RDX: variants seen among roughly 807,000 people sequenced by gnomAD.
The protein encoded by RDX is deafness, autosomal recessive 24.
Under a neutral mutation model 83.7 loss-of-function variants are expected in RDX, and 32 were observed. That is an observed-to-expected ratio of 0.38 (90% confidence interval 0.29 to 0.51). The LOEUF (loss-of-function observed/expected upper bound fraction) is 0.51, where lower values mean the gene tolerates loss of function less well. RDX is among the 20% of genes least tolerant of loss of function. The pLI is 0.87. For synonymous variants in RDX, 229 were observed against 222.7 expected (o/e 1.03, Z -0.25); for missense variants, 600 against 689.9 (o/e 0.87, Z 1.46).
chr11:110,259,068 C>T (rs540056392), intron 5 of RDX, among the ~76,000 whole-genome samples: 1 of 152,062 alleles, frequency 6.6e-6, no homozygotes, highest in East Asian at 1.9e-4. Context: ...CAGGCGTGCG[C>T]CATAATGCCT....
chr11:110,272,611 T>TAC lies in RDX; in HGVS notation c.19_20dup (p.Arg8Ter), dbSNP rs1565327737. On this transcript the variant is annotated frameshift_variant, in exon 3 of 14. Coordinates refer to ENST00000645495, the MANE Select transcript of RDX (RefSeq NM_002906.4). LOFTEE classifies it high-confidence loss of function. ...GCTCAGCATCCATTGTAGTTACTCT[T>TAC]ACGTTGATCTGTAATAAAAATAAAA... The TAC allele has an allele frequency of 6.2e-7, 1 of 1,607,668 alleles. No individual in the cohort carries two copies. Among genetic ancestry groups the TAC allele is most frequent in the East Asian group, 2.2e-5 (1 of 44,788 alleles).
chr11:110,190,047 C>A (rs755978436), intron 15 of RDX, among the ~76,000 whole-genome samples: 4 of 151,998 alleles, frequency 2.6e-5, no homozygotes, highest in Non-Finnish European at 4.4e-5. Flanking sequence ...CGTGCCATTG[C>A]ACTCCAGCCT....
intron 9 of RDX, among the ~76,000 whole-genome samples, chr11:110,251,809 T>C (rs1011705782): frequency 6.6e-6 from 1 of 152,194 alleles, no homozygotes; most frequent in African/African-American, 2.4e-5. Flanking sequence ...TCATTTTCAT[T>C]GCCAAAAAAC....
downstream of RDX, among the ~76,000 whole-genome samples, chr11:110,227,625 C>A (rs1190977362): frequency 6.6e-6 from 1 of 152,040 alleles, no homozygotes; most frequent in Admixed American, 6.6e-5. Flanking sequence ...TGCAAATGAT[C>A]TAAGGCTAAG....
intron 15 of RDX, chr11:110,199,515 T>C: frequency 1.4e-6 from 1 of 698,694 alleles, no homozygotes; most frequent in Admixed American, 2.0e-5. Context: ...ATCCTGGCAG[T>C]GGAAGGTGTG....
At chr11:110,277,677 A>T (rs955637371) in intron 2 of RDX, among the ~76,000 whole-genome samples, 1 of 143,052 alleles carries the variant, frequency 7.0e-6, no homozygotes, top group South Asian at 2.2e-4. Context: ...TTTGTCCACT[A>T]AAAAAAAAAA....
intron 14 of RDX, among the ~76,000 whole-genome samples, chr11:110,208,642 A>G (rs1863692198): frequency 6.6e-6 from 1 of 152,160 alleles, no homozygotes; most frequent in South Asian, 2.1e-4. Context: ...TTTGATTTCT[A>G]GGGCTTTAAC....
At chr11:110,244,016 A>C (rs1336953210) in intron 10 of RDX, among the ~76,000 whole-genome samples, 1 of 152,222 alleles carries the variant, frequency 6.6e-6, no homozygotes, top group Non-Finnish European at 1.5e-5. Context: ...TACACCCAAA[A>C]GAAATGAGGA....
chr11:110,272,036 A>G (rs1357128619), intron 3 of RDX, among the ~76,000 whole-genome samples: 1 of 152,244 alleles, frequency 6.6e-6, no homozygotes, highest in African/African-American at 2.4e-5. Context: ...GTTGTACACA[A>G]AACATAAATG....
chr11:110,241,780 C>CA (rs767944680), intron 10 of RDX, among the ~76,000 whole-genome samples: 9 of 152,086 alleles, frequency 5.9e-5, no homozygotes, highest in Non-Finnish European at 1.0e-4. Flanking sequence ...AACTAAAACA[C>CA]AAAAGCAACC....
intron 14 of RDX, among the ~76,000 whole-genome samples, chr11:110,223,921 T>G (rs1864342138): frequency 6.6e-6 from 1 of 151,518 alleles, no homozygotes; most frequent in African/African-American, 2.4e-5. Flanking sequence ...AATAGAAAAA[T>G]CAGCCAGGCA....
chr11:110,247,519 T>A (rs1859157855), intron 10 of RDX, among the ~76,000 whole-genome samples, 184 bp downstream of exon 10: 1 of 152,180 alleles, frequency 6.6e-6, no homozygotes, highest in South Asian at 2.1e-4. Flanking sequence ...ACATCAGCAC[T>A]GTATAAATGA....
chr11:110,254,097 A>G lies in RDX; in HGVS notation c.808T>C (p.Tyr270His), dbSNP rs1320616517. ...TTATTGATTCTCAGACGAGGTGCAT[A>G]AAACACAAAATCCTAAACATAAAGT... ...IDKKAPDFVF[Y>H]APRLRINKRI... The change falls in exon 9 of 14, where the codon TAT becomes CAT. Residue 270 changes from tyrosine to histidine, a missense_variant. Tyr to His is a moderately conservative substitution (Grantham distance 83). Transcript: ENST00000645495. 2.5e-6 allele frequency: 4 copies of G among 1,613,386 alleles called. No homozygotes were observed. Among genetic ancestry groups the G allele is most frequent in the Non-Finnish European group, 3.4e-6 (4 of 1,179,664 alleles).
intron 10 of RDX, among the ~76,000 whole-genome samples, chr11:110,244,987 CAG>C (rs1208444725): frequency 5.0e-5 from 7 of 139,882 alleles, no homozygotes; most frequent in Admixed American, 7.4e-5. Flanking sequence ...TTTTTTGAGA[CAG>C]AGTCTCGCTC....
chr11:110,277,571 C>CA (rs1395202487), intron 2 of RDX, among the ~76,000 whole-genome samples: 1 of 152,102 alleles, frequency 6.6e-6, no homozygotes, highest in African/African-American at 2.4e-5. Context: ...ACTCCCGCCT[C>CA]AGTCTCCCAA....
intron 1 of RDX, among the ~76,000 whole-genome samples, chr11:110,288,070 A>C (rs553022199): frequency 1.8e-4 from 27 of 152,340 alleles, no homozygotes; most frequent in African/African-American, 6.3e-4. Context: ...ATCTCTGTAA[A>C]TGGATTTCCT....
At chr11:110,267,461 C>T (rs561436840) in intron 3 of RDX, among the ~76,000 whole-genome samples, 4 of 149,664 alleles carry the variant, frequency 2.7e-5, no homozygotes, top group South Asian at 2.2e-4. Flanking sequence ...TGCAGTGAGC[C>T]GAGTTCGCGC....
Position 110,223,011 on chromosome 11 carries a change from T to C in RDX, c.1748+8862A>G, listed in dbSNP as rs117728819. Among the ~76,000 whole-genome samples, 813 of 152,294 alleles carry C rather than the reference T, an allele frequency of 5.3e-3. 5 individuals are homozygous for C. Among genetic ancestry groups the C allele is most frequent in the Non-Finnish European group, 9.1e-3 (622 of 68,028 alleles). ...AAGTAAACTATTATTTACTTTTACA[T>C]ACAATGAACGATTATATGTCCTTCA... On this transcript the variant is annotated intron_variant, in intron 14 of 15. Coordinates refer to the RDX transcript ENST00000528498.
Position 110,191,804 on chromosome 11 carries a change from C to T in RDX, c.*31+7777G>A, listed in dbSNP as rs565008245. 3.3e-5 allele frequency among the ~76,000 whole-genome samples: 5 copies of T among 152,166 alleles called. No homozygotes were observed. In the South Asian group the frequency reaches 6.2e-4, roughly 19 times the overall value. Reference sequence around the variant, plus strand: ...CTGGGAGGTGGAAGTTGCAGCGAGCCGAGATCATGCCACTGTACTCCAGCC... The same window carrying T: ...CTGGGAGGTGGAAGTTGCAGCGAGCTGAGATCATGCCACTGTACTCCAGCC... On this transcript the variant is annotated intron_variant, in intron 15 of 15. Transcript: ENST00000528498.
Sources: gnomAD v4.1 joint callset for allele counts (sites outside exome capture counted in the v4.1 genomes callset) on GRCh38, gnomAD v4.1.1 for gene constraint, MANE v1.5 for transcripts, NCBI Gene and HGNC (gene_info 2026-07-23, HGNC 2026-07-21) for gene names.